HDX: variants seen among roughly 807,000 people sequenced by gnomAD.
The protein encoded by HDX is highly divergent homeobox, also known as chromosome X open reading frame 43.
A neutral mutation model predicts 45.2 loss-of-function variants in HDX; 19 were observed. That is an observed-to-expected ratio of 0.42 (90% CI 0.29 to 0.62). The LOEUF is 0.62. Ranked by LOEUF, HDX falls within the 20% of genes least tolerant of loss-of-function variation. HDX has a pLI of 0.20. For synonymous variants in HDX, 188 were observed against 172.8 expected (o/e 1.09, Z -0.69); for missense variants, 532 against 493.9 (o/e 1.08, Z -0.73).
intron 9 of HDX, among the ~76,000 whole-genome samples, chrX:84,330,783 A>C (rs893722638): frequency 8.9e-6 from 1 of 112,113 alleles, no homozygotes; most frequent in South Asian, 3.7e-4. Context: ...CAATGTTTGA[A>C]AAATATAAAC....
In HDX at chrX:84,446,640, T is replaced by G. The variant is rs1470856798; in HGVS notation, c.1252-6055A>C. Among the ~76,000 whole-genome samples the G allele has an allele frequency of 3.6e-5, 4 of 111,393 alleles. No homozygotes were observed. In the Admixed American group the frequency reaches 3.8e-4, roughly 11 times the overall value. ...GAAAGAAGTAAGCAAGATGAAGGCC[T>G]AGGTAGCTATAGATCCTTGTCCTCC... On this transcript the variant is annotated intron_variant, in intron 4 of 10. Coordinates refer to ENST00000373177, the MANE Select transcript of HDX (RefSeq NM_001177479.2).
At chrX:84,454,539 G>C (rs1341278246) in intron 4 of HDX, among the ~76,000 whole-genome samples, 1 of 110,834 alleles carries the variant, frequency 9.0e-6, no homozygotes, top group Non-Finnish European at 1.9e-5. Flanking sequence ...TTGTGGCTTG[G>C]GGGCCAGTTC....
At position 84,361,586 on chromosome X, in the gene HDX, G is replaced by C. The variant is rs781520936; in HGVS notation, c.1332C>G (p.Asp444Glu). ...RALQDRTQFS[D>E]RDLATLKKYW... ...ACTTCTTAAGGGTGGCTAAGTCTCG[G>C]TCACTGAACTGAGTGCGGTCCTGTA... Residue 444 changes from aspartate (D) to glutamate (E), a missense_variant, in exon 6 of 11, where the codon GAC becomes GAG. Coordinates refer to ENST00000373177, the MANE Select transcript of HDX (RefSeq NM_001177479.2). The C allele has an allele frequency of 1.7e-6, 2 of 1,197,462 alleles. No individual in the cohort carries two copies. Among genetic ancestry groups the C allele is most frequent in the African/African-American group, 3.5e-5 (2 of 56,820 alleles).
At chrX:84,447,433 C>T (rs950175090) in intron 4 of HDX, among the ~76,000 whole-genome samples, 6 of 111,376 alleles carry the variant, frequency 5.4e-5, no homozygotes, top group South Asian at 3.8e-4. Flanking sequence ...AAAGAATAAG[C>T]GAGTGACACC....
intron 5 of HDX, among the ~76,000 whole-genome samples, chrX:84,426,640 G>A (rs760063207): frequency 9.1e-6 from 1 of 110,374 alleles, no homozygotes; most frequent in African/African-American, 3.3e-5. Flanking sequence ...GGTTATTAGG[G>A]GTGGGGGATA....
intron 7 of HDX, among the ~76,000 whole-genome samples, chrX:84,338,883 C>T (rs2037024553): frequency 9.0e-6 from 1 of 110,525 alleles, no homozygotes; most frequent in Non-Finnish European, 1.9e-5. Context: ...TGTGTAGCAC[C>T]CCATCCCTCT....
intron 5 of HDX, among the ~76,000 whole-genome samples, chrX:84,429,508 T>C (rs1255143854): frequency 9.0e-6 from 1 of 111,073 alleles, no homozygotes; most frequent in Non-Finnish European, 1.9e-5. Flanking sequence ...AATTGGTTTT[T>C]GTGTATTGAA....
intron 6 of HDX, among the ~76,000 whole-genome samples, chrX:84,346,121 A>G (rs1602282182): frequency 9.0e-6 from 1 of 111,373 alleles, no homozygotes; most frequent in Admixed American, 9.6e-5. Context: ...AAAAAAGGAT[A>G]TTAATTTAAA....
chrX:84,350,746 CAA>C (rs992655832), intron 6 of HDX, among the ~76,000 whole-genome samples: 1 of 111,720 alleles, frequency 9.0e-6, no homozygotes, highest in African/African-American at 3.2e-5. Flanking sequence ...TAGACAACAT[CAA>C]GTTAGGTCAT....
intron 4 of HDX, among the ~76,000 whole-genome samples, chrX:84,456,252 A>T (rs1434440807): frequency 1.8e-5 from 2 of 111,678 alleles, no homozygotes; most frequent in East Asian, 5.6e-4. Flanking sequence ...CCAATAAAAA[A>T]TAACATTTTT....
intron 4 of HDX, among the ~76,000 whole-genome samples, chrX:84,447,622 A>G (rs1188071890): frequency 9.0e-6 from 1 of 110,884 alleles, no homozygotes; most frequent in Non-Finnish European, 1.9e-5. Flanking sequence ...AGTTACACCA[A>G]GATGCCACTT....
intron 5 of HDX, among the ~76,000 whole-genome samples, chrX:84,429,873 T>TA (rs1408197831): frequency 7.2e-5 from 8 of 110,490 alleles, no homozygotes; most frequent in South Asian, 3.7e-4. Flanking sequence ...GACAATTTTT[T>TA]AAAAAAACTA....
At position 84,354,930 on chromosome X, in the gene HDX, CATATATATATATATATATATATAT is replaced by C. The variant is rs72331919; in HGVS notation, c.1452+6512_1452+6535del. The stretch of plus-strand genomic sequence containing the variant: ...ACATATATATATATACACACACACA[CATATATATATATATATATATATAT>C]ATATATATATATATATATACACATA... On this transcript the variant is annotated intron_variant, in intron 6 of 10. Transcript: ENST00000373177. Among the ~76,000 whole-genome samples the C allele has an allele frequency of 1.3e-4, 10 of 74,832 alleles. No homozygotes were observed. In the South Asian group the frequency reaches 2.1e-3, roughly 16 times the overall value. The allele number at this position is 74,832 out of a possible 115,157, so 65.0% of individuals were successfully genotyped here.
intron 4 of HDX, among the ~76,000 whole-genome samples, chrX:84,454,878 A>T (rs2040079240): frequency 9.0e-6 from 1 of 110,531 alleles, no homozygotes; most frequent in African/African-American, 3.3e-5. Flanking sequence ...ACACAGAGAG[A>T]CTTTGTTTGT....
At chrX:84,324,250 A>G (rs1211804930) in intron 10 of HDX, among the ~76,000 whole-genome samples, 2 of 111,548 alleles carry the variant, frequency 1.8e-5, no homozygotes, top group Non-Finnish European at 3.8e-5. Flanking sequence ...ACAAATCAAG[A>G]TTAATGGAAG....
At chrX:84,361,834 T>A (rs2037629383) in intron 5 of HDX, among the ~76,000 whole-genome samples, 1 of 112,000 alleles carries the variant, frequency 8.9e-6, no homozygotes, top group African/African-American at 3.2e-5. Context: ...ATTTTTGAAC[T>A]GATAGCAATT....
intron 3 of HDX, among the ~76,000 whole-genome samples, chrX:84,471,737 G>A (rs1423356942): frequency 9.1e-6 from 1 of 109,879 alleles, no homozygotes; most frequent in Admixed American, 9.9e-5. Flanking sequence ...TACTTCACAT[G>A]AGGCAGTGAG....
chrX:84,368,045 G>T (rs1045268459), intron 5 of HDX, among the ~76,000 whole-genome samples: 1 of 111,872 alleles, frequency 8.9e-6, no homozygotes, highest in Non-Finnish European at 1.9e-5. Flanking sequence ...AATGAAGGCA[G>T]AAATGCATGA....
In HDX at chrX:84,428,886, TA is replaced by T. The variant is rs751238342; in HGVS notation, c.1305+11645del. ...CTACGATCCATTTTGAGTTAATTTT[TA>T]TATATAGTGCGCGCTATGGACCAAA... On this transcript the variant is annotated intron_variant, in intron 5 of 10. Transcript: ENST00000373177. 1.5e-3 allele frequency among the ~76,000 whole-genome samples: 167 copies of T among 110,685 alleles called. 1 individual carries two copies. The highest frequency in any genetic ancestry group is 2.3e-3 in the Non-Finnish European group (122 of 52,373).
Sources: allele counts gnomAD v4.1 joint callset (sites outside exome capture counted in the v4.1 genomes callset), GRCh38; gene constraint gnomAD v4.1.1; transcripts MANE v1.5; gene names NCBI Gene and HGNC (gene_info 2026-07-23, HGNC 2026-07-21).